The following GCC2 variants were observed in gnomAD, a reference collection of about 807,000 sequenced individuals.
GCC2 encodes the protein GRIP and coiled-coil domain-containing protein 2.
GCC2 carries 120 observed loss-of-function variants against 210.6 expected under a neutral mutation model. The ratio of observed to expected loss-of-function variants is 0.57; its 90% confidence interval spans 0.49 to 0.66. GCC2 has a LOEUF of 0.66. GCC2 is among the 30% of genes least tolerant of loss of function. GCC2 has a pLI of 0.00. For synonymous variants in GCC2, 703 were observed against 652.7 expected (o/e 1.08, Z -1.17); for missense variants, 1,868 against 1,871.9 (o/e 1.00, Z 0.04).
chr2:108,450,257 C>A (rs1024702143), intron 2 of GCC2, among the ~76,000 whole-genome samples: 11 of 152,148 alleles, frequency 7.2e-5, no homozygotes, highest in African/African-American at 2.7e-4. Flanking sequence ...AGACCACAGG[C>A]TTAAGCAATT....
chr2:108,467,238 A>G (rs1169764262), intron 4 of GCC2, among the ~76,000 whole-genome samples: 1 of 152,142 alleles, frequency 6.6e-6, no homozygotes, highest in Non-Finnish European at 1.5e-5. Flanking sequence ...TCTTTTGGTA[A>G]AGTTTTTCCT....
intron 20 of GCC2, chr2:108,496,394 G>A (rs1682648798): frequency 6.3e-6 from 1 of 157,518 alleles, no homozygotes; most frequent in Admixed American, 6.1e-5. Flanking sequence ...TGACCACGTG[G>A]GGTAGAAACT....
At position 108,495,135 on chromosome 2, in the gene GCC2, C is replaced by T. The variant is rs371407609; in HGVS notation, c.4448-156C>T. The T allele has an allele frequency of 1.1e-3, 530 of 486,838 alleles. 3 individuals are homozygous for T. Among genetic ancestry groups the T allele is most frequent in the Middle Eastern group, 4.0e-3 (7 of 1,742 alleles). 30.2% of individuals were successfully genotyped at this position (486,838 alleles called of 1,614,324 possible). On this transcript the variant is annotated intron_variant, in intron 19 of 22. Transcript: ENST00000309863. ...TTTGATGACTAAATTTTAAGAAATG[C>T]TTTAGCAATTCTTCATACACCTTTC...
At chr2:108,469,168 TC>T (rs1681056444) in intron 5 of GCC2, 84 bp downstream of exon 5, 1 of 711,752 alleles carries the variant, frequency 1.4e-6, no homozygotes, top group Non-Finnish European at 2.4e-6. Context: ...TTAAAAAGCA[TC>T]TAATCTGATT....
At chr2:108,504,062 G>C (rs1043093891) in intron 22 of GCC2, among the ~76,000 whole-genome samples, 5 of 152,058 alleles carry the variant, frequency 3.3e-5, no homozygotes, top group Admixed American at 2.6e-4. Context: ...CAAACTTCTG[G>C]TCGAAATCCT....
intron 4 of GCC2, among the ~76,000 whole-genome samples, chr2:108,460,267 A>T (rs1224623576): frequency 1.3e-5 from 2 of 152,088 alleles, no homozygotes; most frequent in African/African-American, 2.4e-5. Context: ...GGGAAAGTGC[A>T]TTTTTTGTGG....
At chr2:108,452,327 T>G (rs916654895) in intron 3 of GCC2, 72 bp from the exon 4 acceptor site, 6 of 824,804 alleles carry the variant, frequency 7.3e-6, no homozygotes, top group Middle Eastern at 5.7e-4. Context: ...TTTGTGAGAA[T>G]GTACTTATCA....
At chr2:108,469,469 G>A in intron 5 of GCC2, 182 bp from the exon 6 acceptor site, 2 of 529,920 alleles carry the variant, frequency 3.8e-6, no homozygotes, top group Non-Finnish European at 6.6e-6. Flanking sequence ...GATATATATT[G>A]TCATACTTTA....
chr2:108,486,845 C>T (rs576236402), intron 16 of GCC2, among the ~76,000 whole-genome samples, 197 bp downstream of exon 16: 2 of 152,210 alleles, frequency 1.3e-5, no homozygotes, highest in Admixed American at 6.5e-5. Flanking sequence ...ACTTTTTTTG[C>T]CAAAAGGAAA....
intron 22 of GCC2, among the ~76,000 whole-genome samples, chr2:108,502,179 C>T (rs1407371573): frequency 1.3e-5 from 2 of 152,078 alleles, no homozygotes; most frequent in African/African-American, 4.8e-5. Context: ...GTTATAAAAT[C>T]AACCAGGACT....
Position 108,483,159 on chromosome 2 carries a change from T to C in GCC2, c.3443T>C (p.Val1148Ala). The change falls in exon 12 of 23, where the codon GTT (valine) becomes GCT (alanine). Residue 1148 changes from valine to alanine, a missense_variant. Val to Ala is a moderately conservative substitution (Grantham distance 64, BLOSUM62 0). This residue lies in a region of GCC2 where 1,847 missense variants were observed against 1,765.2 expected (regional missense o/e 1.05). Transcript: ENST00000309863. ...LQKTMQELEL[V>A]KKDAQQTTLM... is the part of the protein sequence containing the mutation. ...AAAACCATGCAAGAATTAGAGCTGG[T>C]TAAAAAGGTAAAATAAAACACTAGG... 1 of 1,451,390 alleles carries C rather than the reference T, an allele frequency of 6.9e-7. No homozygotes were observed. Among genetic ancestry groups the C allele is most frequent in the Non-Finnish European group, 9.7e-7 (1 of 1,034,156 alleles). 89.9% of individuals were successfully genotyped at this position (1,451,390 alleles called of 1,614,324 possible).
chr2:108,482,560 G>A (rs1439713774), intron 11 of GCC2, 109 bp downstream of exon 11: 10 of 577,884 alleles, frequency 1.7e-5, no homozygotes, highest in South Asian at 1.1e-4. Flanking sequence ...ATACAGCAGA[G>A]TTCATTAATT....
chr2:108,461,692 C>G (rs914377398), intron 4 of GCC2, among the ~76,000 whole-genome samples: 1 of 151,376 alleles, frequency 6.6e-6, no homozygotes, highest in African/African-American at 2.4e-5. Context: ...TTAGTAGAGA[C>G]GGGGTTTCAC....
rs1377121584 is a variant in GCC2, at chr2:108,503,517, A to G, written c.4984+3763A>G. ...CACCATATTACAGATATGGACTGTCAGTCTGACTGGTCACACTAGGGGCAT... is the reference window on the plus strand; with the variant it reads ...CACCATATTACAGATATGGACTGTCGGTCTGACTGGTCACACTAGGGGCAT... On this transcript the variant is annotated intron_variant, in intron 22 of 22. Coordinates refer to ENST00000309863, the MANE Select transcript of GCC2 (RefSeq NM_181453.4). 2.0e-5 allele frequency among the ~76,000 whole-genome samples: 3 copies of G among 152,320 alleles called. No homozygotes were observed. In the South Asian group the frequency reaches 6.2e-4, roughly 32 times the overall value.
intron 16 of GCC2, 36 bp from the exon 17 acceptor site, chr2:108,487,663 C>G (rs376735257): frequency 9.6e-6 from 15 of 1,567,132 alleles, no homozygotes; most frequent in East Asian, 9.1e-5. Context: ...GACCCTGTTA[C>G]AGTAGAAAAA....
At chr2:108,503,028 A>C (rs1174525184) in intron 22 of GCC2, among the ~76,000 whole-genome samples, 2 of 152,198 alleles carry the variant, frequency 1.3e-5, no homozygotes, top group African/African-American at 4.8e-5. Flanking sequence ...GACATCAAAC[A>C]TGTTTTTACT....
chr2:108,464,204 G>A (rs1190275489), intron 4 of GCC2, among the ~76,000 whole-genome samples: 2 of 152,178 alleles, frequency 1.3e-5, no homozygotes, highest in Non-Finnish European at 2.9e-5. Context: ...AGCAGCCATA[G>A]GTAGGCAGCA....
In GCC2 at chr2:108,507,748, T is replaced by A; in HGVS notation, c.*118T>A. On this transcript the variant is annotated 3_prime_UTR_variant, in exon 23 of 23. Coordinates refer to ENST00000309863, the MANE Select transcript of GCC2 (RefSeq NM_181453.4). ...TATATATGTTTGCATCTACATATAT[T>A]TGTACATCTATATGACAGATGTATT... The A allele has an allele frequency of 1.4e-6, 1 of 730,684 alleles. No homozygotes were observed. Among genetic ancestry groups the A allele is most frequent in the African/African-American group, 1.8e-5 (1 of 55,984 alleles). The allele number at this position is 730,684 out of a possible 1,614,324, so 45.3% of individuals were successfully genotyped here. A position where few individuals can be genotyped will look rare whatever the true frequency, so the allele number is the denominator to read the frequency against.
At chr2:108,497,960 T>C (rs1340036940) in intron 21 of GCC2, among the ~76,000 whole-genome samples, 1 of 152,170 alleles carries the variant, frequency 6.6e-6, no homozygotes, top group East Asian at 1.9e-4. Flanking sequence ...CTAATAGATC[T>C]GTCCTGCCAC....
Sources: gnomAD v4.1 joint callset for allele counts (sites outside exome capture counted in the v4.1 genomes callset) on GRCh38, gnomAD v4.1.1 for gene constraint, gnomAD v4.1.1 regional missense constraint, MANE v1.5 for transcripts, NCBI Gene and HGNC (gene_info 2026-07-23, HGNC 2026-07-21) for gene names.